The following ZNF48 variants were observed in gnomAD, a reference collection of about 807,000 sequenced individuals.
The protein encoded by ZNF48 is zinc finger protein 553.
Under a neutral mutation model 40.0 loss-of-function variants are expected in ZNF48, and 20 were observed. That is an observed-to-expected ratio of 0.50 (90% confidence interval 0.35 to 0.73). ZNF48 has a LOEUF of 0.73. ZNF48 is among the 30% of genes least tolerant of loss of function. ZNF48 has a pLI of 0.01. For missense variants in ZNF48, 726 were observed against 851.9 expected (o/e 0.85, Z 1.84); for synonymous variants, 298 against 329.7 (o/e 0.90, Z 1.04).
intron 1 of ZNF48, chr16:30,378,696 G>A (rs1251267447): frequency 6.2e-7 from 1 of 1,607,394 alleles, no homozygotes; most frequent in Non-Finnish European, 8.5e-7. Flanking sequence ...TGGCGGGAAA[G>A]CTTACTGCGG....
intron 1 of ZNF48, chr16:30,380,160 A>G (rs1023483095): frequency 7.9e-6 from 5 of 634,390 alleles, no homozygotes; most frequent in East Asian, 3.3e-5. Flanking sequence ...AAAGACAGAG[A>G]TGGGGAGAGA....
chr16:30,379,637 CCT>C, intron 1 of ZNF48: 1 of 353,942 alleles, frequency 2.8e-6, no homozygotes, highest in Non-Finnish European at 4.8e-6. Flanking sequence ...CCTGCCCCTT[CCT>C]CTTTTTTTTT....
intron 1 of ZNF48, among the ~76,000 whole-genome samples, chr16:30,389,843 T>TG: frequency 8.0e-6 from 1 of 125,752 alleles, no homozygotes; most frequent in South Asian, 2.5e-4. Context: ...TTTTTTTTTT[T>TG]TTTTTTTTTT....
At chr16:30,389,827 T>TG (rs1421394526) in intron 1 of ZNF48, among the ~76,000 whole-genome samples, 5 of 103,478 alleles carry the variant, frequency 4.8e-5, no homozygotes, top group African/African-American at 2.4e-4. Flanking sequence ...TTTTTTTTTT[T>TG]TTTTTTTTTT....
upstream of ZNF48, among the ~76,000 whole-genome samples, chr16:30,392,179 C>T (rs1226050621): frequency 2.0e-5 from 3 of 152,188 alleles, no homozygotes; most frequent in Admixed American, 6.6e-5. Context: ...CCTGCCACCA[C>T]GCCCATCTAA....
At chr16:30,391,733 G>A (rs1597016312), upstream of ZNF48, among the ~76,000 whole-genome samples, 1 of 150,836 alleles carries the variant, frequency 6.6e-6, no homozygotes, top group East Asian at 2.0e-4. Context: ...CTGACCTCAG[G>A]TGATTCACCT....
Position 30,381,325 on chromosome 16 carries a change from TC to T in ZNF48, c.-16+2921del. On this transcript the variant is annotated intron_variant, in intron 1 of 2. Coordinates refer to the ZNF48 transcript ENST00000528032. The surrounding 1 kb of genome is among the most constrained non-coding windows in gnomAD (Gnocchi z 4.3). ...TCCCTAAATGCGCCAGCCCCCAGGA[TC>T]CCCCCACCAGACCCCCGGCCGAAGG... 2 of 1,504,122 alleles carry T rather than the reference TC, an allele frequency of 1.3e-6. No homozygotes were observed. The highest frequency in any genetic ancestry group is 1.7e-5 in the Admixed American group (1 of 57,154). 93.2% of individuals were successfully genotyped at this position (1,504,122 alleles called of 1,614,324 possible). A position where few individuals can be genotyped will look rare whatever the true frequency, so the allele number is the denominator to read the frequency against.
chr16:30,390,769 C>T (rs922192229), upstream of ZNF48, among the ~76,000 whole-genome samples: 12 of 151,666 alleles, frequency 7.9e-5, no homozygotes, highest in Non-Finnish European at 1.5e-4. Context: ...TACAGGCGCC[C>T]GCCATCACGC....
chr16:30,395,791 G>A lies in ZNF48; in HGVS notation c.-4G>A, dbSNP rs2049978263. The A allele has an allele frequency of 6.5e-7, 1 of 1,539,198 alleles. No individual in the cohort carries two copies. The highest frequency in any genetic ancestry group is 8.7e-7 in the Non-Finnish European group (1 of 1,145,626). On this transcript the variant is annotated 5_prime_UTR_variant, in exon 2 of 3. Transcript: ENST00000613509. This position sits in a 1 kb window ranked among gnomAD's most constrained non-coding sequence, Gnocchi z 5.9. ...GTCCCCTTGCTCAGGGCGGCGTGCC[G>A]GCGATGGAGCGCGCGGTAGAGCCTT...
intron 1 of ZNF48, among the ~76,000 whole-genome samples, chr16:30,383,468 C>T (rs193136225): frequency 2.6e-5 from 4 of 152,184 alleles, no homozygotes; most frequent in East Asian, 1.9e-4. Flanking sequence ...GGATTACGGG[C>T]GTGAGCCACC....
At chr16:30,395,007 C>T (rs2049968009), upstream of ZNF48, 3 of 178,100 alleles carry the variant, frequency 1.7e-5, no homozygotes, top group South Asian at 1.4e-4. The surrounding 1 kb of genome is among the most constrained non-coding windows in gnomAD (Gnocchi z 5.9). Context: ...CGCTTTGTTT[C>T]CCACGTCTCG....
Position 30,397,990 on chromosome 16 carries a change from C to G in ZNF48, c.740C>G (p.Pro247Arg), listed in dbSNP as rs145186271. 1 of 1,613,704 alleles carries G rather than the reference C, an allele frequency of 6.2e-7. No homozygotes were observed. The highest frequency in any genetic ancestry group is 8.5e-7 in the Non-Finnish European group (1 of 1,179,884). Residue 247 changes from proline (P) to arginine (R), a missense_variant, in exon 3 of 3, where the codon CCC (proline) becomes CGC (arginine). Transcript: ENST00000613509. This position sits in a 1 kb window ranked among gnomAD's most constrained non-coding sequence, Gnocchi z 4.1. ...KHQRTHRGEQ[P>R]PRPVVPRRQP... ...CAGCGGACACACCGGGGGGAGCAGC[C>G]CCCCCGACCAGTGGTGCCCCGACGG... is the stretch of plus-strand genomic sequence containing the variant.
chr16:30,395,084 T>C (rs1251011687), upstream of ZNF48: 3 of 371,978 alleles, frequency 8.1e-6, no homozygotes, highest in Admixed American at 2.8e-5. The surrounding 1 kb of genome is among the most constrained non-coding windows in gnomAD (Gnocchi z 5.9). Context: ...CCCCCACCCC[T>C]TTCCCCGGGT....
chr16:30,393,042 G>A (rs907345621), upstream of ZNF48, among the ~76,000 whole-genome samples: 1 of 151,770 alleles, frequency 6.6e-6, no homozygotes, highest in African/African-American at 2.4e-5. Flanking sequence ...AACCCTTCCT[G>A]TTCTCCCACA....
In ZNF48 at chr16:30,395,520, C is replaced by T. The variant is rs759193774; in HGVS notation, c.-74C>T. On this transcript the variant is annotated 5_prime_UTR_variant, in exon 1 of 3. Transcript: ENST00000613509. This position sits in a 1 kb window ranked among gnomAD's most constrained non-coding sequence, Gnocchi z 5.9. ...GAGCCGCTGGCGGCTCGGGCGCCTGCACCCCGCTGAGGAGCTCCGGAGGGC... is the reference window on the plus strand; with the variant it reads ...GAGCCGCTGGCGGCTCGGGCGCCTGTACCCCGCTGAGGAGCTCCGGAGGGC... The T allele has an allele frequency of 4.6e-5, 14 of 305,766 alleles. No homozygotes were observed. The highest frequency in any genetic ancestry group is 3.7e-4 in the South Asian group (14 of 38,014). 18.9% of individuals were successfully genotyped at this position (305,766 alleles called of 1,614,324 possible).
rs1205891795 is a variant in ZNF48 at position 30,398,832 on chromosome 16, C to T, written c.1582C>T (p.Pro528Ser). 3.7e-6 allele frequency: 6 copies of T among 1,613,744 alleles called. No individual in the cohort carries two copies. Among genetic ancestry groups the T allele is most frequent in the African/African-American group, 1.3e-5 (1 of 74,920 alleles). Residue 528 changes from proline to serine, a missense_variant, in exon 3 of 3, where the codon CCT becomes TCT. Pro to Ser is a moderately conservative substitution (Grantham distance 74). This residue lies in a region of ZNF48 where 166 missense variants were observed against 163.6 expected (regional missense o/e 1.01). Coordinates refer to ENST00000613509, the MANE Select transcript of ZNF48 (RefSeq NM_001214909.2). The surrounding 1 kb of genome is among the most constrained non-coding windows in gnomAD (Gnocchi z 6.6). The part of the protein sequence containing the change: ...HNPPGPVPMA[P>S]RPRVRAQPSG... ...CCCACCTGGCCCAGTACCCATGGCC[C>T]CTCGACCCCGAGTTCGGGCCCAGCC...
chr16:30,398,805 A>C lies in ZNF48; in HGVS notation c.1555A>C (p.Asn519His). ...ACCATCCACTCTGCTGCGGCCACATAACCCACCTGGCCCAGTACCCATGGC... is the reference window on the plus strand; with the variant it reads ...ACCATCCACTCTGCTGCGGCCACATCACCCACCTGGCCCAGTACCCATGGC... The part of the protein sequence containing the change: ...PPPSTLLRPH[N>H]PPGPVPMAPR... Residue 519 changes from asparagine (N) to histidine (H), a missense_variant, in exon 3 of 3, where the codon AAC becomes CAC. By Grantham distance (68) the Asn-to-His change is moderately conservative. Around this residue, in one of 5 missense-constraint regions of ZNF48, gnomAD observed 166 missense variants for 163.6 expected, o/e 1.01. Transcript: ENST00000613509. The surrounding 1 kb of genome is among the most constrained non-coding windows in gnomAD (Gnocchi z 6.6). The C allele has an allele frequency of 6.2e-7, 1 of 1,613,542 alleles. No individual in the cohort carries two copies. Among genetic ancestry groups the C allele is most frequent in the Non-Finnish European group, 8.5e-7 (1 of 1,179,968 alleles).
At chr16:30,384,580 G>C (rs2049885976) in intron 1 of ZNF48, among the ~76,000 whole-genome samples, 1 of 151,570 alleles carries the variant, frequency 6.6e-6, no homozygotes, top group Non-Finnish European at 1.5e-5. Flanking sequence ...GGACTGTTAA[G>C]AATCTGGAAA....
chr16:30,382,287 G>A lies in ZNF48; in HGVS notation c.-16+3877G>A, dbSNP rs778473621. Reference sequence around the variant, plus strand: ...AAAACCCCCAGACCTGCCACCATTAGCGTGAAGTCAAACCCCTTCTTGACA... The same window carrying A: ...AAAACCCCCAGACCTGCCACCATTAACGTGAAGTCAAACCCCTTCTTGACA... On this transcript the variant is annotated intron_variant, in intron 1 of 2. Coordinates refer to the ZNF48 transcript ENST00000528032. The surrounding 1 kb of genome is among the most constrained non-coding windows in gnomAD (Gnocchi z 4.8). 9.5e-5 allele frequency: 153 copies of A among 1,613,706 alleles called. No homozygotes were observed. Among genetic ancestry groups the A allele is most frequent in the Non-Finnish European group, 1.8e-5 (21 of 1,179,812 alleles).
Sources: allele counts gnomAD v4.1 joint callset (sites outside exome capture counted in the v4.1 genomes callset), GRCh38; gene constraint gnomAD v4.1.1; regional missense constraint gnomAD v4.1.1; non-coding constraint Gnocchi (gnomAD v3.1); transcripts MANE v1.5; gene names NCBI Gene and HGNC (gene_info 2026-07-23, HGNC 2026-07-21).